Variants in SDHB observed in about 807,000 individuals in gnomAD.
SDHB encodes succinate dehydrogenase complex iron sulfur subunit B.
A neutral mutation model predicts 39.7 loss-of-function variants in SDHB; 21 were observed. That is an observed-to-expected ratio of 0.53 (90% CI 0.37 to 0.76). The LOEUF is 0.76. Among genes scored for constraint, SDHB ranks in the 30% least tolerant of loss-of-function variants. The probability of loss-of-function intolerance (pLI) is 0.00; values close to 1 mark genes in which losing one functional copy is unlikely to be tolerated. For missense variants in SDHB, 343 were observed against 350.9 expected (o/e 0.98, Z 0.18); for synonymous variants, 118 against 117.0 (o/e 1.01, Z -0.06).
chr1:17,024,935 A>G (rs796799534), intron 5 of SDHB, among the ~76,000 whole-genome samples: 63 of 152,360 alleles, frequency 4.1e-4, no homozygotes, highest in African/African-American at 1.5e-3. Flanking sequence ...AACCAAATCT[A>G]TGTTATGTCC....
chr1:17,027,303 G>C (rs1273826294), intron 5 of SDHB, among the ~76,000 whole-genome samples: 1 of 152,226 alleles, frequency 6.6e-6, no homozygotes, highest in Non-Finnish European at 1.5e-5. Flanking sequence ...CAGAAGTATG[G>C]TGTCAGGAAA....
In SDHB at chr1:17,023,973, C is replaced by T. The variant is rs1278834014; in HGVS notation, c.642G>A (p.Gln214=). The part of the protein sequence containing the change: ...DKYLGPAVLM[Q]AYRWMIDSRD... ...TTAAAGCAATTAAGGAGCACCTCAC[C>T]TGCATAAGAACTGCAGGCCCCAGAT... Residue 214 remains glutamine, a splice_region_variant and synonymous_variant, in exon 6 of 8, where the codon CAG becomes CAA. Transcript: ENST00000375499. 1 of 1,609,708 alleles carries T rather than the reference C, an allele frequency of 6.2e-7. No individual in the cohort carries two copies. Among genetic ancestry groups the T allele is most frequent in the Non-Finnish European group, 8.5e-7 (1 of 1,176,214 alleles).
chr1:17,023,165 C>G (rs529442740), intron 6 of SDHB: 61 of 300,052 alleles, frequency 2.0e-4, no homozygotes, highest in Non-Finnish European at 3.6e-4. Flanking sequence ...ATTTGTCCCA[C>G]TTAATGATTC....
At chr1:17,036,661 A>G (rs1445453210) in intron 2 of SDHB, among the ~76,000 whole-genome samples, 1 of 147,366 alleles carries the variant, frequency 6.8e-6, no homozygotes, top group Non-Finnish European at 1.5e-5. Flanking sequence ...TTTCTAGGTA[A>G]GCAGGGTTTT....
intron 1 of SDHB, among the ~76,000 whole-genome samples, chr1:17,048,988 G>C (rs550343539): frequency 6.6e-6 from 1 of 152,148 alleles, no homozygotes; most frequent in Admixed American, 6.5e-5. Context: ...TGGGATTATA[G>C]GTACAGGCCA....
intron 2 of SDHB, among the ~76,000 whole-genome samples, chr1:17,042,954 G>GT (rs143394198): frequency 0.16 from 9,801 of 61,342 alleles, 2,683 homozygotes; most frequent in East Asian, 0.49. Context: ...TGTTTTATGA[G>GT]TTTTTTTTTT....
intron 1 of SDHB, chr1:17,045,206 G>A (rs1180281770): frequency 8.5e-6 from 3 of 354,380 alleles, no homozygotes; most frequent in African/African-American, 4.3e-5. Flanking sequence ...TGTTGGGAAA[G>A]TACAGGGAGC....
intron 2 of SDHB, among the ~76,000 whole-genome samples, chr1:17,039,269 A>G (rs544728672): frequency 6.6e-6 from 1 of 151,864 alleles, no homozygotes; most frequent in African/African-American, 2.4e-5. Context: ...CTTTTTAGCT[A>G]TATCTCTTTG....
intron 2 of SDHB, among the ~76,000 whole-genome samples, chr1:17,039,513 G>C (rs1433135561): frequency 6.6e-6 from 1 of 151,906 alleles, no homozygotes; most frequent in Non-Finnish European, 1.5e-5. Flanking sequence ...CTTGAGCCTA[G>C]GAGGTCTCAG....
chr1:17,050,561 G>C lies in SDHB; in HGVS notation c.72+3387C>G, dbSNP rs928081184. Among the ~76,000 whole-genome samples the C allele has an allele frequency of 2.0e-5, 3 of 151,384 alleles. No individual in the cohort carries two copies. In the Admixed American group the frequency reaches 2.0e-4, roughly 10 times the overall value. ...AGCTACTTGGGAGGCCGAGGCAGGA[G>C]AATTGCTTGAAATCCGGGAGGCGGA... On this transcript the variant is annotated intron_variant, in intron 1 of 7. Transcript: ENST00000375499.
chr1:17,040,997 G>A (rs1489805724), intron 2 of SDHB, among the ~76,000 whole-genome samples: 5 of 152,020 alleles, frequency 3.3e-5, no homozygotes, highest in Admixed American at 2.6e-4. Flanking sequence ...GGGCGTGGTG[G>A]TGCACGTCTG....
At position 17,053,985 on chromosome 1, in the gene SDHB, C is replaced by T. The variant is rs1293365726; in HGVS notation, c.35G>A (p.Arg12Gln). The change falls in exon 1 of 8, where the codon CGG (arginine) becomes CAG (glutamine). Residue 12 changes from arginine to glutamine, a missense_variant. Arg to Gln is a conservative substitution (Grantham distance 43, BLOSUM62 1). Coordinates refer to ENST00000375499, the MANE Select transcript of SDHB (RefSeq NM_003000.3). ...AAVVALSLRR[R>Q]LPATTLGGAC... ...TCCGCCAAGGGTTGTGGCCGGCAAC[C>T]GGCGCCTCAAGGAGAGGGCGACCAC... 1.9e-6 allele frequency: 3 copies of T among 1,613,008 alleles called. No homozygotes were observed. Among genetic ancestry groups the T allele is most frequent in the East Asian group, 4.5e-5 (2 of 44,860 alleles).
At chr1:17,027,250 CAG>C (rs2077995945) in intron 5 of SDHB, among the ~76,000 whole-genome samples, 1 of 152,220 alleles carries the variant, frequency 6.6e-6, no homozygotes, top group East Asian at 1.9e-4. Context: ...TGGCAACTCC[CAG>C]AGAGTGAGCA....
intron 2 of SDHB, among the ~76,000 whole-genome samples, chr1:17,036,185 G>A (rs1570953015): frequency 6.6e-6 from 1 of 152,174 alleles, no homozygotes; most frequent in African/African-American, 2.4e-5. Context: ...TCAATTTGGA[G>A]ACCACTGCCT....
chr1:17,047,932 G>T (rs2078123178), intron 1 of SDHB, among the ~76,000 whole-genome samples: 1 of 152,000 alleles, frequency 6.6e-6, no homozygotes, highest in Non-Finnish European at 1.5e-5. Flanking sequence ...CCTCTGCCTG[G>T]CCCTCCCGAA....
chr1:17,046,528 C>G (rs1216205072), intron 1 of SDHB, among the ~76,000 whole-genome samples: 2 of 152,202 alleles, frequency 1.3e-5, no homozygotes, highest in Middle Eastern at 6.8e-3. Context: ...AAACATAAGT[C>G]CCCTTTTCCT....
chr1:17,037,747 G>A (rs139549080), intron 2 of SDHB, among the ~76,000 whole-genome samples: 1 of 152,112 alleles, frequency 6.6e-6, no homozygotes, highest in African/African-American at 2.4e-5. Flanking sequence ...GTGAGCCATC[G>A]CACCCAGCCT....
In SDHB at chr1:17,023,991, C is replaced by A. The variant is rs1214592422; in HGVS notation, c.624G>T (p.Gly208=). 6.2e-7 allele frequency: 1 copy of A among 1,613,186 alleles called. No homozygotes were observed. The highest frequency in any genetic ancestry group is 1.3e-5 in the African/African-American group (1 of 75,032). ...SYWWNGDKYL[G]PAVLMQAYRW... ...ACCTCACCTGCATAAGAACTGCAGG[C>A]CCCAGATATTTGTCTCCGTTCCACC... The change falls in exon 6 of 8, where the codon GGG becomes GGT. Residue 208 remains glycine, a synonymous_variant. Transcript: ENST00000375499.
At chr1:17,019,185 A>G (rs543082215) in intron 7 of SDHB, among the ~76,000 whole-genome samples, 1 of 152,208 alleles carries the variant, frequency 6.6e-6, no homozygotes, top group African/African-American at 2.4e-5. Context: ...GCCACGTTGA[A>G]TTCCTTCTTG....
Sources: allele counts gnomAD v4.1 joint callset (sites outside exome capture counted in the v4.1 genomes callset), GRCh38; gene constraint gnomAD v4.1.1; transcripts MANE v1.5; gene names NCBI Gene and HGNC (gene_info 2026-07-23, HGNC 2026-07-21).